Variants in RAD51B observed in about 807,000 individuals in gnomAD.
RAD51B encodes the protein DNA repair protein RAD51 homolog 2.
A neutral mutation model predicts 42.2 loss-of-function variants in RAD51B; 38 were observed. The ratio of observed to expected loss-of-function variants is 0.90; its 90% CI spans 0.70 to 1.18. The LOEUF (loss-of-function observed/expected upper bound fraction) is 1.18. Ranked by LOEUF, RAD51B falls within the 50% of genes most tolerant of loss-of-function variation. RAD51B has a pLI of 0.00. For synonymous variants in RAD51B, 154 were observed against 145.2 expected (o/e 1.06, Z -0.43); for missense variants, 373 against 400.7 (o/e 0.93, Z 0.59).
intron 9 of RAD51B, among the ~76,000 whole-genome samples, chr14:68,433,748 G>A (rs1427073363): frequency 3.3e-5 from 5 of 152,228 alleles, no homozygotes; most frequent in East Asian, 3.8e-4. Flanking sequence ...CTCTCAACTC[G>A]TCAAGGTCAT....
intron 7 of RAD51B, among the ~76,000 whole-genome samples, chr14:68,007,563 A>T (rs1473493156): frequency 6.6e-6 from 1 of 152,030 alleles, no homozygotes; most frequent in Non-Finnish European, 1.5e-5. Flanking sequence ...TCTAACGAGT[A>T]TGAAGTGGTA....
chr14:68,084,102 T>C, intron 7 of RAD51B, among the ~76,000 whole-genome samples: 1 of 152,316 alleles, frequency 6.6e-6, no homozygotes, highest in African/African-American at 2.4e-5. Flanking sequence ...GTAAAGAAAT[T>C]AATAAATCTT....
At chr14:68,660,064 A>G (rs1892901752) in intron 11 of RAD51B, among the ~76,000 whole-genome samples, 1 of 152,208 alleles carries the variant, frequency 6.6e-6, no homozygotes, top group African/African-American at 2.4e-5. Flanking sequence ...TACGAACTCA[A>G]ATGCCAATGG....
At chr14:68,042,534 T>C (rs1318188827) in intron 7 of RAD51B, among the ~76,000 whole-genome samples, 1 of 152,244 alleles carries the variant, frequency 6.6e-6, no homozygotes, top group African/African-American at 2.4e-5. Flanking sequence ...TTTTTTATGG[T>C]CTTCAATTTT....
chr14:68,603,827 G>A (rs61987061), intron 10 of RAD51B, among the ~76,000 whole-genome samples: 2 of 152,196 alleles, frequency 1.3e-5, no homozygotes, highest in Admixed American at 6.5e-5. Flanking sequence ...CTGCGGCCGC[G>A]CTGGCCCCCT....
Position 68,293,167 on chromosome 14 carries a change from G to A in RAD51B, c.853+1187G>A, listed in dbSNP as rs114946858. Among the ~76,000 whole-genome samples, 401 of 152,124 alleles carry A rather than the reference G, an allele frequency of 2.6e-3. 2 individuals carry two copies. The highest frequency in any genetic ancestry group is 9.2e-3 in the African/African-American group (380 of 41,492). ...TGCCACTACCAAATTGAACTTCCCC[G>A]TCTGGCCTTGTTCTGCTCTGTTGCT... On this transcript the variant is annotated intron_variant, in intron 8 of 10. Coordinates refer to ENST00000471583, the MANE Select transcript of RAD51B (RefSeq NM_133510.4).
intron 8 of RAD51B, among the ~76,000 whole-genome samples, chr14:68,358,448 C>T (rs2082952003): frequency 6.6e-6 from 1 of 152,222 alleles, no homozygotes; most frequent in South Asian, 2.1e-4. Flanking sequence ...GCAAAACTAC[C>T]TGTCAGGAAT....
chr14:68,671,919 G>T (rs186533193), intron 11 of RAD51B, among the ~76,000 whole-genome samples: 1 of 152,142 alleles, frequency 6.6e-6, no homozygotes, highest in Non-Finnish European at 1.5e-5. Context: ...GCCTTCTTGG[G>T]GTCAGTGGTA....
At chr14:68,621,368 C>T (rs1891944664) in intron 10 of RAD51B, among the ~76,000 whole-genome samples, 1 of 152,246 alleles carries the variant, frequency 6.6e-6, no homozygotes, top group African/African-American at 2.4e-5. Flanking sequence ...CCTTTCTTCT[C>T]TTGCCATTCT....
chr14:68,594,937 A>C (rs976743616), exon 11 of RAD51B: 52 of 1,085,428 alleles, frequency 4.8e-5, no homozygotes, highest in Non-Finnish European at 5.6e-5. Flanking sequence ...AGGGACGTGG[A>C]AACAGGAGGT....
In RAD51B at chr14:68,075,914, G is replaced by A. The variant is rs34046453; in HGVS notation, c.756+188710G>A. On this transcript the variant is annotated intron_variant, in intron 7 of 10. Transcript: ENST00000471583. Reference sequence around the variant, plus strand: ...AGTCCTGCTGCAGCTGCAATGGCAGGGGGGCTGTCAGTTGTCTCTGGGATG... The same window carrying A: ...AGTCCTGCTGCAGCTGCAATGGCAGAGGGGCTGTCAGTTGTCTCTGGGATG... 6.4e-3 allele frequency among the ~76,000 whole-genome samples: 973 copies of A among 152,322 alleles called. 9 individuals carry two copies. The highest frequency in any genetic ancestry group is 0.022 in the African/African-American group (919 of 41,582).
intron 7 of RAD51B, among the ~76,000 whole-genome samples, chr14:68,150,528 A>T (rs995568059): frequency 6.6e-6 from 1 of 152,168 alleles, no homozygotes; most frequent in Non-Finnish European, 1.5e-5. Flanking sequence ...GGTCTTGTAC[A>T]TATTTTGTTT....
intron 7 of RAD51B, among the ~76,000 whole-genome samples, chr14:68,209,961 C>CTT (rs111751838): frequency 2.1e-5 from 3 of 142,076 alleles, no homozygotes; most frequent in African/African-American, 2.6e-5. Context: ...CTAGGAATAC[C>CTT]TTTTTTTTTT....
At chr14:68,632,968 C>CTTTTTTTTTTTTTTTTTTTTTTTTTT (rs397852024) in intron 10 of RAD51B, among the ~76,000 whole-genome samples, 6 of 59,414 alleles carry the variant, frequency 1.0e-4, no homozygotes, top group South Asian at 6.2e-4. Context: ...TTTTCTTTTT[C>CTTTTTTTTTTTTTTTTTTTTTTTTTT]TTTTTTTTTT....
At chr14:68,033,511 GACA>G (rs1252496824) in intron 7 of RAD51B, among the ~76,000 whole-genome samples, 6 of 152,054 alleles carry the variant, frequency 3.9e-5, no homozygotes, top group African/African-American at 1.4e-4. Context: ...GCTGTATTTG[GACA>G]ACATTTACAT....
rs192738384 is a variant in RAD51B, at chr14:68,675,495, A to C, written c.*11+24639A>C. 2.5e-3 allele frequency among the ~76,000 whole-genome samples: 379 copies of C among 152,324 alleles called. 4 individuals carry two copies. The highest frequency in any genetic ancestry group is 8.8e-3 in the African/African-American group (365 of 41,570). ...CACAGTAACACAAAGTGCTAAGAGAAGGCCTGGGGTTGAACAGGCCACAGT... is the reference window on the plus strand; with the variant it reads ...CACAGTAACACAAAGTGCTAAGAGACGGCCTGGGGTTGAACAGGCCACAGT... On this transcript the variant is annotated intron_variant, in intron 11 of 11. Transcript: ENST00000488612.
intron 8 of RAD51B, among the ~76,000 whole-genome samples, chr14:68,299,271 A>G (rs751935297): frequency 3.3e-5 from 5 of 152,002 alleles, no homozygotes; most frequent in Non-Finnish European, 5.9e-5. Context: ...AGTCCTCACA[A>G]CCACCCTCTG....
intron 8 of RAD51B, among the ~76,000 whole-genome samples, chr14:68,334,130 T>C (rs1192769329): frequency 2.0e-5 from 3 of 152,138 alleles, no homozygotes; most frequent in African/African-American, 4.8e-5. Context: ...TATGGCTGAA[T>C]AGTAGAGTCA....
At chr14:68,423,331 G>A (rs186283933) in intron 9 of RAD51B, among the ~76,000 whole-genome samples, 301 of 152,272 alleles carry the variant, frequency 2.0e-3, no homozygotes, top group Middle Eastern at 0.017. Context: ...AAGCCCCAGC[G>A]GCCCTGGCTC....
Sources: allele counts gnomAD v4.1 joint callset (sites outside exome capture counted in the v4.1 genomes callset), GRCh38; gene constraint gnomAD v4.1.1; transcripts MANE v1.5; gene names NCBI Gene and HGNC (gene_info 2026-07-23, HGNC 2026-07-21).